GNA14: variants seen among roughly 807,000 people sequenced by gnomAD.
GNA14 encodes G protein subunit alpha 14.
Under a neutral mutation model 42.0 loss-of-function variants are expected in GNA14, and 50 were observed. The ratio of observed to expected loss-of-function variants is 1.19; its 90% CI spans 0.95 to 1.51. GNA14 has a LOEUF of 1.51. GNA14 is among the 40% of genes most tolerant of loss of function. The pLI is 0.00. For synonymous variants in GNA14, 173 were observed against 163.1 expected, an observed-to-expected ratio of 1.06 and a Z score of -0.46; for missense variants, 473 against 446.2, an observed-to-expected ratio of 1.06 and a Z score of -0.54.
chr9:77,424,245 CAG>C (rs1587751027), intron 6 of GNA14, 76 bp from the exon 7 acceptor site: 3 of 1,015,600 alleles, frequency 3.0e-6, no homozygotes, highest in East Asian at 2.5e-5. Context: ...TTTTTTGAGA[CAG>C]AGTCTCGCTC....
At chr9:77,558,556 T>A (rs1293795225) in intron 1 of GNA14, among the ~76,000 whole-genome samples, 1 of 152,078 alleles carries the variant, frequency 6.6e-6, no homozygotes, top group East Asian at 1.9e-4. Context: ...GGAGGGAGAT[T>A]TACGGGGCTC....
chr9:77,462,752 T>C (rs13293175), intron 2 of GNA14, among the ~76,000 whole-genome samples: 29 of 146,710 alleles, frequency 2.0e-4, no homozygotes, highest in Admixed American at 1.9e-3. Flanking sequence ...GGAAAAGGAA[T>C]GACTCAGCTT....
chr9:77,478,823 CT>C (rs1288897669), intron 2 of GNA14, among the ~76,000 whole-genome samples: 3 of 152,082 alleles, frequency 2.0e-5, no homozygotes, highest in African/African-American at 4.8e-5. Flanking sequence ...GCATTAATGT[CT>C]TTTTTTGAGA....
At chr9:77,567,046 C>G (rs1405238639) in intron 1 of GNA14, among the ~76,000 whole-genome samples, 1 of 151,464 alleles carries the variant, frequency 6.6e-6, no homozygotes, top group Admixed American at 6.6e-5. Context: ...GTGCCTGGGC[C>G]CAGTATCTGT....
chr9:77,428,077 T>TTC (rs1564010757), intron 5 of GNA14, among the ~76,000 whole-genome samples: 2 of 146,240 alleles, frequency 1.4e-5, no homozygotes, highest in African/African-American at 5.2e-5. Flanking sequence ...TTTTCTTTTT[T>TTC]TTTTTCTTTT....
At chr9:77,629,731 G>A (rs2118001260) in intron 1 of GNA14, among the ~76,000 whole-genome samples, 1 of 152,278 alleles carries the variant, frequency 6.6e-6, no homozygotes, top group Middle Eastern at 3.4e-3. Flanking sequence ...TTCTGTCAGG[G>A]GGTAGGGAGC....
chr9:77,448,822 A>G (rs1226158234), intron 2 of GNA14, among the ~76,000 whole-genome samples: 1 of 152,226 alleles, frequency 6.6e-6, no homozygotes, highest in Non-Finnish European at 1.5e-5. Flanking sequence ...AGAAGTGTGC[A>G]GAGTGTGGAA....
chr9:77,644,830 T>C (rs1013620218), intron 1 of GNA14, among the ~76,000 whole-genome samples: 3 of 152,190 alleles, frequency 2.0e-5, no homozygotes, highest in Admixed American at 6.5e-5. Context: ...AACATCATTT[T>C]CCCTTATTTA....
rs774706637 is a variant in GNA14, at chr9:77,424,883, A to G, written c.877+679T>C. On this transcript the variant is annotated intron_variant, in intron 6 of 6. Transcript: ENST00000341700. ...ACTACACAGCCAGTATGGTTAGTAA[A>G]AGGGGAAAGAAGAGTGCTAAAACAT... is the stretch of plus-strand genomic sequence containing the variant. Among the ~76,000 whole-genome samples, 59 of 152,138 alleles carry G rather than the reference A, an allele frequency of 3.9e-4. 1 individual carries two copies. Among genetic ancestry groups the G allele is most frequent in the Non-Finnish European group, 1.2e-4 (8 of 68,036 alleles).
intron 2 of GNA14, among the ~76,000 whole-genome samples, chr9:77,471,879 T>G (rs1431665283): frequency 6.6e-6 from 1 of 152,280 alleles, no homozygotes; most frequent in Admixed American, 6.5e-5. Flanking sequence ...CCCAGAACAT[T>G]ATTATGAGCA....
At chr9:77,537,485 A>T (rs758888061) in intron 1 of GNA14, among the ~76,000 whole-genome samples, 3 of 152,186 alleles carry the variant, frequency 2.0e-5, no homozygotes, top group Non-Finnish European at 4.4e-5. Context: ...CTGTCCATCA[A>T]TGGACACTTA....
chr9:77,483,446 G>T (rs1008042491), intron 2 of GNA14, among the ~76,000 whole-genome samples: 9 of 152,158 alleles, frequency 5.9e-5, no homozygotes, highest in Non-Finnish European at 1.0e-4. Flanking sequence ...TGTGTCAGAG[G>T]AGTACCCGGC....
chr9:77,553,067 T>C (rs1837805785), intron 1 of GNA14, among the ~76,000 whole-genome samples: 1 of 152,152 alleles, frequency 6.6e-6, no homozygotes, highest in African/African-American at 2.4e-5. Context: ...AAAAGGCACA[T>C]CAAAGTCCCA....
At chr9:77,608,389 G>C (rs537033510) in intron 1 of GNA14, among the ~76,000 whole-genome samples, 17 of 152,282 alleles carry the variant, frequency 1.1e-4, no homozygotes, top group Non-Finnish European at 1.6e-4. Flanking sequence ...ACCTAATTTA[G>C]ATGGTATTTA....
rs1025066500 is a variant in GNA14 at position 77,490,168 on chromosome 9, G to A, written c.309+38901C>T. ...TGAGCTAGACATAAAGGTTCTCCAC[G>A]TCCCCACCAGAGCAGCTAGATACAG... On this transcript the variant is annotated intron_variant, in intron 2 of 6. Transcript: ENST00000341700. 3.3e-5 allele frequency among the ~76,000 whole-genome samples: 5 copies of A among 152,246 alleles called. No individual in the cohort carries two copies. In the East Asian group the frequency reaches 5.8e-4, roughly 18 times the overall value.
intron 1 of GNA14, among the ~76,000 whole-genome samples, chr9:77,597,834 G>A (rs375610361): frequency 4.1e-4 from 62 of 152,088 alleles, no homozygotes; most frequent in African/African-American, 1.3e-3. Context: ...GGAGGCTGAG[G>A]CGAGATCACT....
At chr9:77,508,908 G>A (rs896735572) in intron 2 of GNA14, among the ~76,000 whole-genome samples, 1 of 152,142 alleles carries the variant, frequency 6.6e-6, no homozygotes, top group Non-Finnish European at 1.5e-5. Context: ...AAATGAAAAG[G>A]AAGAAATAAG....
chr9:77,434,649 G>T, intron 2 of GNA14, 127 bp from the exon 3 acceptor site: 1 of 757,374 alleles, frequency 1.3e-6, no homozygotes, highest in Middle Eastern at 3.4e-4. Flanking sequence ...GGCGTGGTGG[G>T]CACCCTCCCA....
chr9:77,532,355 A>G (rs1481854093), intron 1 of GNA14, among the ~76,000 whole-genome samples: 2 of 152,160 alleles, frequency 1.3e-5, no homozygotes, highest in African/African-American at 4.8e-5. Flanking sequence ...TGGTACAGAG[A>G]TTTCAATCCC....
Sources: gnomAD v4.1 joint callset for allele counts (sites outside exome capture counted in the v4.1 genomes callset) on GRCh38, gnomAD v4.1.1 for gene constraint, MANE v1.5 for transcripts, NCBI Gene and HGNC (gene_info 2026-07-23, HGNC 2026-07-21) for gene names.